Variants in DERA observed in about 807,000 individuals in gnomAD.
DERA encodes the protein deoxyribose-phosphate aldolase.
A neutral mutation model predicts 41.1 loss-of-function variants in DERA; 15 were observed. That is an observed-to-expected ratio of 0.37 (90% CI 0.24 to 0.56). DERA has a LOEUF of 0.56. DERA is among the 20% of genes least tolerant of loss of function. The pLI, the probability that DERA is intolerant of heterozygous loss-of-function variation, is 0.81. For synonymous variants in DERA, 139 were observed against 137.4 expected, an observed-to-expected ratio of 1.01 and a Z score of -0.08; for missense variants, 396 against 403.4, an observed-to-expected ratio of 0.98 and a Z score of 0.16.
rs1040127616 is a variant in DERA at position 16,013,060 on chromosome 12, C to T, written c.638-19482C>T. 1.3e-5 allele frequency among the ~76,000 whole-genome samples: 2 copies of T among 152,166 alleles called. No individual in the cohort carries two copies. The highest frequency in any genetic ancestry group is 2.9e-5 in the Non-Finnish European group (2 of 68,044). ...GCAGCCCTAGACAAATCAGTAGAGT[C>T]AGTGACTCCCAGTTGGCATCATTGA... On this transcript the variant is annotated intron_variant, in intron 6 of 8. Transcript: ENST00000428559. The surrounding 1 kb of genome is among the most constrained non-coding windows in gnomAD (Gnocchi z 5.8).
Position 16,008,334 on chromosome 12 carries a change from T to C in DERA, c.638-24208T>C, listed in dbSNP as rs1354544426. On this transcript the variant is annotated intron_variant, in intron 6 of 8. Coordinates refer to ENST00000428559, the MANE Select transcript of DERA (RefSeq NM_015954.4). The surrounding 1 kb of genome is among the most constrained non-coding windows in gnomAD (Gnocchi z 4.8). ...TAGCTTTCTCAAATCTCTCCTGCCTTGGTCCTTTCCTTCCACATTTTATTC... is the reference window on the plus strand; with the variant it reads ...TAGCTTTCTCAAATCTCTCCTGCCTCGGTCCTTTCCTTCCACATTTTATTC... 6.6e-6 allele frequency among the ~76,000 whole-genome samples: 1 copy of C among 152,254 alleles called. No individual in the cohort carries two copies. Among genetic ancestry groups the C allele is most frequent in the Non-Finnish European group, 1.5e-5 (1 of 68,042 alleles).
intron 1 of DERA, among the ~76,000 whole-genome samples, chr12:15,945,942 G>T (rs138660769): frequency 5.9e-5 from 9 of 152,098 alleles, no homozygotes; most frequent in Non-Finnish European, 1.3e-4. Context: ...TAGCAAGAAG[G>T]GCTGTTGAAT....
rs984488644 is a variant in DERA at position 15,989,511 on chromosome 12, T to C, written c.637+7075T>C. ...TTGTAATAGCTGATTTAAAGCCTTA[T>C]GTGCTAATTTGTACAGCTGGGTTAT... On this transcript the variant is annotated intron_variant, in intron 6 of 8. Coordinates refer to ENST00000428559, the MANE Select transcript of DERA (RefSeq NM_015954.4). This position sits in a 1 kb window ranked among gnomAD's most constrained non-coding sequence, Gnocchi z 5.2. Among the ~76,000 whole-genome samples, 1 of 152,254 alleles carries C rather than the reference T, an allele frequency of 6.6e-6. No homozygotes were observed. Among genetic ancestry groups the C allele is most frequent in the African/African-American group, 2.4e-5 (1 of 41,470 alleles).
chr12:16,033,821 C>T (rs1949109952), intron 7 of DERA, among the ~76,000 whole-genome samples: 1 of 151,930 alleles, frequency 6.6e-6, no homozygotes, highest in South Asian at 2.1e-4. Context: ...TAAACTCCTT[C>T]CAGAATTTTC....
rs566774262 is a variant in DERA at position 16,026,752 on chromosome 12, C to T, written c.638-5790C>T. ...CCAAACATTTAAGGAAGATATAATA[C>T]CAGTCTTCTACAATCTCTTCCGGAA... is the stretch of plus-strand genomic sequence containing the variant. On this transcript the variant is annotated intron_variant, in intron 6 of 8. Transcript: ENST00000428559. This position sits in a 1 kb window ranked among gnomAD's most constrained non-coding sequence, Gnocchi z 4.4. 5.3e-5 allele frequency among the ~76,000 whole-genome samples: 8 copies of T among 152,058 alleles called. No homozygotes were observed. Among genetic ancestry groups the T allele is most frequent in the Admixed American group, 1.3e-4 (2 of 15,272 alleles).
chr12:15,979,051 A>T (rs990073739), intron 5 of DERA, among the ~76,000 whole-genome samples: 4 of 152,236 alleles, frequency 2.6e-5, no homozygotes, highest in African/African-American at 9.6e-5. Context: ...GTGAATCCAT[A>T]TACTCAGGAG....
chr12:16,015,712 G>A (rs1032885084), intron 6 of DERA, among the ~76,000 whole-genome samples: 1 of 152,290 alleles, frequency 6.6e-6, no homozygotes, highest in African/African-American at 2.4e-5. Context: ...TAGAGAGGAG[G>A]CCTGGATTAT....
At chr12:15,960,926 C>T (rs1374627969) in intron 4 of DERA, among the ~76,000 whole-genome samples, 1 of 152,098 alleles carries the variant, frequency 6.6e-6, no homozygotes, top group African/African-American at 2.4e-5. Flanking sequence ...GCTCTGAAGA[C>T]AGGGCAAAGG....
intron 6 of DERA, among the ~76,000 whole-genome samples, chr12:16,025,990 T>G (rs1335178927): frequency 6.6e-6 from 1 of 152,044 alleles, no homozygotes; most frequent in African/African-American, 2.4e-5. Context: ...TTTAAAATAC[T>G]TTGAACTAAA....
intron 1 of DERA, among the ~76,000 whole-genome samples, chr12:15,932,588 G>A (rs930085377): frequency 6.6e-6 from 1 of 151,748 alleles, no homozygotes; most frequent in African/African-American, 2.4e-5. Flanking sequence ...AGGTTGCAGT[G>A]AGCAATGATT....
At position 15,984,557 on chromosome 12, in the gene DERA, G is replaced by A. The variant is rs999866698; in HGVS notation, c.637+2121G>A. On this transcript the variant is annotated intron_variant, in intron 6 of 8. Coordinates refer to ENST00000428559, the MANE Select transcript of DERA (RefSeq NM_015954.4). The surrounding 1 kb of genome is among the most constrained non-coding windows in gnomAD (Gnocchi z 4.5). ...TTCGTCCTCACATCAGTCCTGGAGT[G>A]GAAGAAATCTAGGATTGTGTGACTT... Among the ~76,000 whole-genome samples the A allele has an allele frequency of 6.6e-6, 1 of 152,140 alleles. No homozygotes were observed. Among genetic ancestry groups the A allele is most frequent in the Non-Finnish European group, 1.5e-5 (1 of 68,034 alleles).
rs188751808 is a variant in DERA, at chr12:16,013,334, A to G, written c.638-19208A>G. The stretch of plus-strand genomic sequence containing the variant: ...AATCCCCATAATCCCCACATGTTAA[A>G]GGTGAGACCAGGTGGAGGTAATTGA... On this transcript the variant is annotated intron_variant, in intron 6 of 8. Coordinates refer to ENST00000428559, the MANE Select transcript of DERA (RefSeq NM_015954.4). This position sits in a 1 kb window ranked among gnomAD's most constrained non-coding sequence, Gnocchi z 5.8. Among the ~76,000 whole-genome samples the G allele has an allele frequency of 3.1e-3, 467 of 152,300 alleles. 2 individuals carry two copies. Among genetic ancestry groups the G allele is most frequent in the Middle Eastern group, 0.01 (3 of 294 alleles).
At chr12:15,932,688 G>A (rs570588714) in intron 1 of DERA, among the ~76,000 whole-genome samples, 4 of 152,090 alleles carry the variant, frequency 2.6e-5, no homozygotes, top group Non-Finnish European at 4.4e-5. Flanking sequence ...TTTCACTGAG[G>A]TGTAATATGT....
chr12:15,931,332 A>G lies in DERA; in HGVS notation c.31+19918A>G, dbSNP rs908590583. On this transcript the variant is annotated intron_variant, in intron 1 of 8. Coordinates refer to ENST00000428559, the MANE Select transcript of DERA (RefSeq NM_015954.4). This position sits in a 1 kb window ranked among gnomAD's most constrained non-coding sequence, Gnocchi z 4.6. Reference sequence around the variant, plus strand: ...CATCTAGTAGTTTTCATTGAGAGGAAAGAGTTAAGTGGATTTTCTCTGAAG... The same window carrying G: ...CATCTAGTAGTTTTCATTGAGAGGAGAGAGTTAAGTGGATTTTCTCTGAAG... Among the ~76,000 whole-genome samples, 10 of 152,198 alleles carry G rather than the reference A, an allele frequency of 6.6e-5. No homozygotes were observed. The highest frequency in any genetic ancestry group is 6.5e-4 in the Admixed American group (10 of 15,268).
rs1175383553 is a variant in DERA, at chr12:16,009,403, T to A, written c.638-23139T>A. 6.6e-6 allele frequency among the ~76,000 whole-genome samples: 1 copy of A among 152,186 alleles called. No individual in the cohort carries two copies. Among genetic ancestry groups the A allele is most frequent in the Non-Finnish European group, 1.5e-5 (1 of 68,018 alleles). On this transcript the variant is annotated intron_variant, in intron 6 of 8. Transcript: ENST00000428559. The surrounding 1 kb of genome is among the most constrained non-coding windows in gnomAD (Gnocchi z 5.3). ...ACTTTTTAGATCTTTATACTTTAAA[T>A]TTTTCATCATCTTTAGTTTCCATGT...
rs1948754228 is a variant in DERA, at chr12:15,984,881, A to G, written c.637+2445A>G. On this transcript the variant is annotated intron_variant, in intron 6 of 8. Transcript: ENST00000428559. This position sits in a 1 kb window ranked among gnomAD's most constrained non-coding sequence, Gnocchi z 4.5. ...TTTTTTATATTCTTGTCCCAATTTT[A>G]TATGTAACTTGCACAAACTAATCTC... Among the ~76,000 whole-genome samples, 1 of 152,208 alleles carries G rather than the reference A, an allele frequency of 6.6e-6. No homozygotes were observed. Among genetic ancestry groups the G allele is most frequent in the African/African-American group, 2.4e-5 (1 of 41,450 alleles).
rs1256651711 is a variant in DERA at position 15,924,879 on chromosome 12, G to A, written c.31+13465G>A. 6.6e-6 allele frequency among the ~76,000 whole-genome samples: 1 copy of A among 152,124 alleles called. No homozygotes were observed. Among genetic ancestry groups the A allele is most frequent in the Non-Finnish European group, 1.5e-5 (1 of 68,032 alleles). ...CAGCCTTGTGTTTTTATGTTCTAAT[G>A]CTGCCTTATTAATAGGCTGCTTGAG... On this transcript the variant is annotated intron_variant, in intron 1 of 8. Transcript: ENST00000428559. The surrounding 1 kb of genome is among the most constrained non-coding windows in gnomAD (Gnocchi z 5.0).
At chr12:15,945,375 T>C (rs1237469331) in intron 1 of DERA, among the ~76,000 whole-genome samples, 1 of 152,238 alleles carries the variant, frequency 6.6e-6, no homozygotes, top group Non-Finnish European at 1.5e-5. Flanking sequence ...TGGAATGTTC[T>C]TCCATTTGTT....
intron 1 of DERA, among the ~76,000 whole-genome samples, chr12:15,951,779 CTTTT>C (rs1460165936): frequency 6.6e-6 from 1 of 151,994 alleles, no homozygotes; most frequent in African/African-American, 2.4e-5. Context: ...GTTTTGTGTT[CTTTT>C]TGTTTTTATT....
Sources: allele counts gnomAD v4.1 joint callset (sites outside exome capture counted in the v4.1 genomes callset), GRCh38; gene constraint gnomAD v4.1.1; non-coding constraint Gnocchi (gnomAD v3.1); transcripts MANE v1.5; gene names NCBI Gene and HGNC (gene_info 2026-07-23, HGNC 2026-07-21).